Variants in ARID5B observed in about 807,000 individuals in gnomAD.
The protein encoded by ARID5B is AT-rich interaction domain 5B.
Under a neutral mutation model 97.2 loss-of-function variants are expected in ARID5B, and 13 were observed. That is an observed-to-expected ratio of 0.13 (90% confidence interval 0.09 to 0.21). The LOEUF (loss-of-function observed/expected upper bound fraction) is 0.21, where lower values mean the gene tolerates loss of function less well. Among genes scored for constraint, ARID5B ranks in the 10% least tolerant of loss-of-function variants. The probability of loss-of-function intolerance (pLI) is 1.00; values close to 1 mark genes in which losing one functional copy is unlikely to be tolerated. For synonymous variants in ARID5B, 556 were observed against 570.3 expected, an observed-to-expected ratio of 0.97 and a Z score of 0.36; for missense variants, 1,210 against 1,465.3, an observed-to-expected ratio of 0.83 and a Z score of 2.84.
intron 8 of ARID5B, among the ~76,000 whole-genome samples, chr10:62,079,109 T>C (rs1173373574): frequency 2.0e-5 from 3 of 152,264 alleles, no homozygotes; most frequent in Admixed American, 1.3e-4. Context: ...GTTTCTCAGG[T>C]AACTCCTTAG....
intron 9 of ARID5B, among the ~76,000 whole-genome samples, chr10:62,086,730 C>T (rs1329081367): frequency 2.8e-5 from 4 of 143,600 alleles, no homozygotes; most frequent in Non-Finnish European, 6.1e-5. Flanking sequence ...CATGGTGGTG[C>T]CCCGCTGTGG....
chr10:61,974,498 C>T (rs1215159828), intron 3 of ARID5B, among the ~76,000 whole-genome samples: 4 of 152,114 alleles, frequency 2.6e-5, no homozygotes, highest in African/African-American at 9.7e-5. Context: ...AAATAAGTCA[C>T]TTATTTCACT....
intron 4 of ARID5B, among the ~76,000 whole-genome samples, chr10:62,043,719 T>C (rs1323610003): frequency 6.6e-6 from 1 of 152,196 alleles, no homozygotes; most frequent in East Asian, 1.9e-4. Context: ...AGACGGCGGA[T>C]CAGGAAATAG....
At chr10:61,909,318 GTTTTTTTTTT>G (rs777612375) in intron 2 of ARID5B, among the ~76,000 whole-genome samples, 1 of 77,260 alleles carries the variant, frequency 1.3e-5, no homozygotes, top group Non-Finnish European at 2.3e-5. Context: ...TATTCAGTGA[GTTTTTTTTTT>G]TTTTTTTTTT....
intron 2 of ARID5B, among the ~76,000 whole-genome samples, chr10:61,930,536 C>T (rs561314268): frequency 6.6e-5 from 10 of 151,772 alleles, no homozygotes; most frequent in East Asian, 5.8e-4. Context: ...CTGGCTAACA[C>T]GGTGAAACTC....
chr10:61,910,934 C>A (rs1843793190), intron 2 of ARID5B, among the ~76,000 whole-genome samples: 1 of 152,212 alleles, frequency 6.6e-6, no homozygotes, highest in African/African-American at 2.4e-5. Context: ...ACAGTCACAT[C>A]TCCATTCCTG....
In ARID5B at chr10:62,008,173, G is replaced by C. The variant is rs185978049; in HGVS notation, c.733+7852G>C. On this transcript the variant is annotated intron_variant, in intron 4 of 9. Coordinates refer to ENST00000279873, the MANE Select transcript of ARID5B (RefSeq NM_032199.3). ...CACAGCCATGTGTGCAGGCAACAGAGCAGTACCCAGCACATAGTAGCTGTA... is the reference window on the plus strand; with the variant it reads ...CACAGCCATGTGTGCAGGCAACAGACCAGTACCCAGCACATAGTAGCTGTA... 9.9e-5 allele frequency among the ~76,000 whole-genome samples: 15 copies of C among 151,978 alleles called. No individual in the cohort carries two copies. In the East Asian group the frequency reaches 2.9e-3, roughly 29 times the overall value.
chr10:61,986,825 T>G (rs910514956), intron 3 of ARID5B, among the ~76,000 whole-genome samples: 1 of 152,134 alleles, frequency 6.6e-6, no homozygotes, highest in African/African-American at 2.4e-5. Context: ...CTACGGGGCG[T>G]TCACTGTGTG....
intron 3 of ARID5B, among the ~76,000 whole-genome samples, chr10:61,954,306 A>C (rs959762973): frequency 6.6e-6 from 1 of 152,034 alleles, no homozygotes; most frequent in African/African-American, 2.4e-5. Flanking sequence ...GCAGTGAGCC[A>C]AGATTGCGCC....
intron 3 of ARID5B, among the ~76,000 whole-genome samples, chr10:61,967,733 C>A (rs1838565875): frequency 6.6e-6 from 1 of 152,180 alleles, no homozygotes; most frequent in South Asian, 2.1e-4. Context: ...CCAAAAATAC[C>A]TTTCTGGCCT....
intron 3 of ARID5B, among the ~76,000 whole-genome samples, chr10:61,967,476 A>C (rs1351967986): frequency 1.3e-5 from 2 of 152,216 alleles, no homozygotes; most frequent in Non-Finnish European, 2.9e-5. Context: ...ACACAGGGGA[A>C]ATATGTGGTA....
At chr10:62,042,158 C>G (rs545318631) in intron 4 of ARID5B, among the ~76,000 whole-genome samples, 25 of 152,140 alleles carry the variant, frequency 1.6e-4, no homozygotes, top group African/African-American at 5.5e-4. Flanking sequence ...TATATAGAAC[C>G]ATACCAAGAA....
At chr10:62,034,255 A>G (rs1418039493) in intron 4 of ARID5B, among the ~76,000 whole-genome samples, 2 of 152,230 alleles carry the variant, frequency 1.3e-5, no homozygotes, top group Non-Finnish European at 2.9e-5. Context: ...ATAGACAATG[A>G]ATAGTTATAT....
chr10:62,013,168 G>A (rs1375571024), intron 4 of ARID5B, among the ~76,000 whole-genome samples: 1 of 152,164 alleles, frequency 6.6e-6, no homozygotes, highest in Admixed American at 6.5e-5. Context: ...ATTTTCTTGA[G>A]TGAATACTGA....
intron 4 of ARID5B, among the ~76,000 whole-genome samples, chr10:62,009,350 G>A (rs1248489998): frequency 6.6e-6 from 1 of 152,130 alleles, no homozygotes; most frequent in Non-Finnish European, 1.5e-5. Flanking sequence ...TTCATTCCTT[G>A]GGCACCAACT....
intron 2 of ARID5B, among the ~76,000 whole-genome samples, chr10:61,902,701 GTA>G (rs35528247): frequency 0.076 from 10,995 of 145,114 alleles, 484 homozygotes; most frequent in East Asian, 0.13. Context: ...GTGTGTGTGT[GTA>G]TGTGTGTGTG....
At chr10:62,089,949 T>C (rs1840346010) in intron 9 of ARID5B, among the ~76,000 whole-genome samples, 1 of 152,328 alleles carries the variant, frequency 6.6e-6, no homozygotes, top group Admixed American at 6.5e-5. Flanking sequence ...TGAAAGGGCT[T>C]GTCAGTCAGC....
intron 4 of ARID5B, among the ~76,000 whole-genome samples, chr10:62,036,474 T>C (rs530708604): frequency 1.2e-4 from 18 of 152,332 alleles, no homozygotes; most frequent in Admixed American, 1.2e-3. Flanking sequence ...TTGCTGCTAG[T>C]ACCTCACATT....
At chr10:62,043,945 A>G (rs1376300202) in intron 4 of ARID5B, among the ~76,000 whole-genome samples, 1 of 152,220 alleles carries the variant, frequency 6.6e-6, no homozygotes, top group Non-Finnish European at 1.5e-5. Flanking sequence ...TAGCAAAGGC[A>G]GTAATACATT....
Sources: gnomAD v4.1 joint callset for allele counts (sites outside exome capture counted in the v4.1 genomes callset) on GRCh38, gnomAD v4.1.1 for gene constraint, MANE v1.5 for transcripts, NCBI Gene and HGNC (gene_info 2026-07-23, HGNC 2026-07-21) for gene names.